Variants in EPHA4 observed in about 807,000 individuals in gnomAD.
EPHA4 encodes ephrin type-A receptor 4.
In EPHA4, 19 loss-of-function variants were observed where a neutral mutation model predicts 108.3. That is an observed-to-expected ratio of 0.18 (90% CI 0.12 to 0.26). The LOEUF (loss-of-function observed/expected upper bound fraction) is 0.26, where lower values mean the gene tolerates loss of function less well. EPHA4 is among the 10% of genes least tolerant of loss of function. The pLI is 1.00. For synonymous variants in EPHA4, 449 were observed against 455.5 expected, an observed-to-expected ratio of 0.99 and a Z score of 0.18; for missense variants, 917 against 1,254.0, an observed-to-expected ratio of 0.73 and a Z score of 4.06.
intron 3 of EPHA4, among the ~76,000 whole-genome samples, chr2:221,533,229 C>G (rs181448668): frequency 6.6e-6 from 1 of 152,186 alleles, no homozygotes; most frequent in Non-Finnish European, 1.5e-5. Context: ...TACCATCAGG[C>G]AGCCCCATAG....
intron 17 of EPHA4, among the ~76,000 whole-genome samples, chr2:221,422,428 G>A (rs1208460379): frequency 2.6e-5 from 4 of 152,204 alleles, no homozygotes; most frequent in South Asian, 2.1e-4. Context: ...TCATAAACAC[G>A]TGTTGCCTTT....
intron 4 of EPHA4, among the ~76,000 whole-genome samples, chr2:221,485,192 A>C (rs915981666): frequency 3.9e-5 from 6 of 152,220 alleles, no homozygotes; most frequent in African/African-American, 1.2e-4. Flanking sequence ...ATTAGTATGT[A>C]GGACGGGGCA....
rs1007179542 is a variant in EPHA4, at chr2:221,537,264, T to C, written c.823+26467A>G. Among the ~76,000 whole-genome samples the C allele has an allele frequency of 2.6e-5, 4 of 152,368 alleles. No homozygotes were observed. In the South Asian group the frequency reaches 6.2e-4, roughly 24 times the overall value. On this transcript the variant is annotated intron_variant, in intron 3 of 17. Transcript: ENST00000281821. ...ATCTTCCACATTCTTCTTCCACTTATGTTCTCAGTGCTCCAAATACTTCTC... is the reference window on the plus strand; with the variant it reads ...ATCTTCCACATTCTTCTTCCACTTACGTTCTCAGTGCTCCAAATACTTCTC...
chr2:221,464,032 G>T (rs1691229725), intron 5 of EPHA4, among the ~76,000 whole-genome samples: 3 of 152,132 alleles, frequency 2.0e-5, no homozygotes, highest in African/African-American at 7.2e-5. Flanking sequence ...TCCAGCCTGT[G>T]GGCAAGGAGG....
At chr2:221,490,145 CAAAA>C (rs34398551) in intron 4 of EPHA4, among the ~76,000 whole-genome samples, 1 of 102,792 alleles carries the variant, frequency 9.7e-6, no homozygotes. Flanking sequence ...GACCCTGTCT[CAAAA>C]AAAAAAAAAA....
intron 5 of EPHA4, among the ~76,000 whole-genome samples, chr2:221,478,988 CT>C (rs1428727376): frequency 7.2e-5 from 11 of 152,194 alleles, no homozygotes; most frequent in Non-Finnish European, 1.0e-4. Flanking sequence ...TATTAACCCC[CT>C]AAGACCCCAG....
intron 5 of EPHA4, among the ~76,000 whole-genome samples, chr2:221,466,797 G>C (rs1381042481): frequency 6.6e-6 from 1 of 152,126 alleles, no homozygotes; most frequent in African/African-American, 2.4e-5. Flanking sequence ...CCAAGTTATA[G>C]CTTATATGTG....
intron 4 of EPHA4, among the ~76,000 whole-genome samples, chr2:221,498,981 G>A (rs186831076): frequency 7.9e-5 from 12 of 151,620 alleles, no homozygotes; most frequent in Non-Finnish European, 1.6e-4. Context: ...AGTGGAGACG[G>A]AGTTTTGCTA....
At chr2:221,529,905 T>A (rs887299248) in intron 3 of EPHA4, among the ~76,000 whole-genome samples, 1 of 152,154 alleles carries the variant, frequency 6.6e-6, no homozygotes, top group African/African-American at 2.4e-5. Context: ...GAAAAAGGGC[T>A]CTCTTGTGAG....
chr2:221,528,770 AT>A (rs1693416605), intron 3 of EPHA4, among the ~76,000 whole-genome samples: 2 of 152,032 alleles, frequency 1.3e-5, no homozygotes, highest in South Asian at 4.2e-4. Flanking sequence ...ACTTCTATAC[AT>A]TTTTTAGCCT....
At chr2:221,567,600 T>C (rs7340471) in intron 2 of EPHA4, among the ~76,000 whole-genome samples, 30,929 of 152,200 alleles carry the variant, frequency 0.2, 3,351 homozygotes, top group Middle Eastern at 0.3. Context: ...TCTGTTTTAT[T>C]TCAGGTGGAT....
chr2:221,501,247 C>T, intron 3 of EPHA4, 75 bp from the exon 4 acceptor site: 4 of 1,329,334 alleles, frequency 3.0e-6, no homozygotes, highest in Non-Finnish European at 4.0e-6. Context: ...AAAGCCACCT[C>T]CTTGTTTCAG....
chr2:221,499,732 ATATATATATATATATATATATATAT>A (rs1559267552), intron 4 of EPHA4, among the ~76,000 whole-genome samples: 2 of 44,110 alleles, frequency 4.5e-5, no homozygotes, highest in African/African-American at 1.3e-4. Context: ...ATATATATAT[ATATATATATATATATATATATATAT>A]TTTTTTTTTT....
At chr2:221,508,572 C>T (rs928185665) in intron 3 of EPHA4, among the ~76,000 whole-genome samples, 6 of 139,996 alleles carry the variant, frequency 4.3e-5, no homozygotes, top group Non-Finnish European at 7.7e-5. Context: ...GAGTGAGACT[C>T]TGTCTCAAAA....
chr2:221,453,645 A>ATG (rs1559247579), intron 8 of EPHA4, among the ~76,000 whole-genome samples: 1 of 151,884 alleles, frequency 6.6e-6, no homozygotes, highest in Non-Finnish European at 1.5e-5. Flanking sequence ...ATGTTTTTGT[A>ATG]TGTGTGTGTA....
At chr2:221,549,320 A>T (rs537535507) in intron 3 of EPHA4, among the ~76,000 whole-genome samples, 1 of 152,270 alleles carries the variant, frequency 6.6e-6, no homozygotes, top group East Asian at 1.9e-4. Context: ...CAATCCTCAA[A>T]ACCAATGTAA....
intron 4 of EPHA4, among the ~76,000 whole-genome samples, chr2:221,490,268 AAAAG>A (rs1692103344): frequency 6.6e-6 from 1 of 151,832 alleles, no homozygotes; most frequent in Non-Finnish European, 1.5e-5. Context: ...TAAAAAAAAA[AAAAG>A]AAAAGAAAGA....
intron 3 of EPHA4, among the ~76,000 whole-genome samples, chr2:221,534,272 G>A (rs1233478656): frequency 6.6e-6 from 1 of 152,162 alleles, no homozygotes; most frequent in Non-Finnish European, 1.5e-5. Context: ...AATCATTGGT[G>A]TTCCACTTAC....
chr2:221,466,836 C>T (rs1691327564), intron 5 of EPHA4, among the ~76,000 whole-genome samples: 1 of 152,124 alleles, frequency 6.6e-6, no homozygotes, highest in African/African-American at 2.4e-5. Flanking sequence ...GGTCCTAGAG[C>T]CCTCATTCTC....
Sources: gnomAD v4.1 joint callset for allele counts (sites outside exome capture counted in the v4.1 genomes callset) on GRCh38, gnomAD v4.1.1 for gene constraint, MANE v1.5 for transcripts, NCBI Gene and HGNC (gene_info 2026-07-23, HGNC 2026-07-21) for gene names.